The following ANKFN1 variants were observed in gnomAD, a reference collection of about 807,000 sequenced individuals.
ANKFN1 encodes the protein ankyrin repeat and fibronectin type III domain containing 1, also known as ankyrin repeat and fibronectin type-III domain-containing protein 1.
In ANKFN1, 74 loss-of-function variants were observed where a neutral mutation model predicts 108.7. The ratio of observed to expected loss-of-function variants is 0.68; its 90% CI spans 0.56 to 0.83. The LOEUF (loss-of-function observed/expected upper bound fraction) is 0.83, where lower values mean the gene tolerates loss of function less well. ANKFN1 is among the 40% of genes least tolerant of loss of function. ANKFN1 has a pLI of 0.00. For missense variants in ANKFN1, 1,505 were observed against 1,382.3 expected (o/e 1.09, Z -1.41); for synonymous variants, 547 against 516.2 (o/e 1.06, Z -0.81).
At chr17:56,150,410 C>T (rs1475649194), upstream of ANKFN1, among the ~76,000 whole-genome samples, 3 of 152,142 alleles carry the variant, frequency 2.0e-5, no homozygotes, top group Admixed American at 6.6e-5. Context: ...AGCATTCGGT[C>T]CCTATTTTGC....
intron 4 of ANKFN1, among the ~76,000 whole-genome samples, chr17:56,347,551 T>C (rs1228075656): frequency 2.6e-5 from 4 of 152,056 alleles, no homozygotes; most frequent in Non-Finnish European, 5.9e-5. Flanking sequence ...GCTTGTCTCT[T>C]TCCATAAGGG....
intron 4 of ANKFN1, among the ~76,000 whole-genome samples, chr17:56,048,196 G>T (rs1302775779): frequency 6.6e-6 from 1 of 152,148 alleles, no homozygotes; most frequent in Non-Finnish European, 1.5e-5. Flanking sequence ...TCCCTGATAT[G>T]GATATGCTGT....
intron 4 of ANKFN1, among the ~76,000 whole-genome samples, chr17:56,342,034 G>A (rs902853959): frequency 2.6e-5 from 4 of 151,972 alleles, no homozygotes; most frequent in African/African-American, 9.7e-5. Context: ...TCAGTGTTGG[G>A]AGGGTGTATG....
At chr17:56,074,657 T>C (rs897195139) in intron 4 of ANKFN1, among the ~76,000 whole-genome samples, 1 of 152,230 alleles carries the variant, frequency 6.6e-6, no homozygotes, top group African/African-American at 2.4e-5. Context: ...TTTTAAACTA[T>C]GGATTTAATT....
chr17:56,489,601 G>C (rs1330145361), intron 18 of ANKFN1, among the ~76,000 whole-genome samples: 1 of 152,070 alleles, frequency 6.6e-6, no homozygotes, highest in African/African-American at 2.4e-5. Context: ...GACACAACAA[G>C]AGAAAGCTGT....
intron 8 of ANKFN1, among the ~76,000 whole-genome samples, chr17:56,431,671 T>A (rs1433140256): frequency 1.3e-5 from 2 of 152,222 alleles, no homozygotes; most frequent in Non-Finnish European, 2.9e-5. Context: ...GAAAATGGGA[T>A]CTTTTCAATG....
Position 56,480,664 on chromosome 17 carries a change from A to G in ANKFN1, c.1941-4A>G, listed in dbSNP as rs2050661956. 1 of 1,613,588 alleles carries G rather than the reference A, an allele frequency of 6.2e-7. No individual in the cohort carries two copies. ...TTCTAATTTTAACTTGACTCAACAT[A>G]CAGAGAGGAATGGGAATGGATCCAA... On this transcript the variant is annotated splice_polypyrimidine_tract_variant and splice_region_variant and intron_variant, in intron 16 of 20. Coordinates refer to ENST00000682825, the MANE Select transcript of ANKFN1 (RefSeq NM_001370326.1).
intron 3 of ANKFN1, among the ~76,000 whole-genome samples, chr17:56,318,188 A>G (rs972778760): frequency 3.3e-5 from 5 of 152,012 alleles, no homozygotes; most frequent in African/African-American, 1.2e-4. Context: ...GCATTTTTCT[A>G]CAAAACCAGA....
At chr17:56,364,954 G>T (rs2046621408) in intron 6 of ANKFN1, among the ~76,000 whole-genome samples, 1 of 152,162 alleles carries the variant, frequency 6.6e-6, no homozygotes, top group South Asian at 2.1e-4. Flanking sequence ...GCCAAAATGA[G>T]TCTTGCGTCC....
chr17:56,331,623 T>C (rs1033115739), intron 4 of ANKFN1, among the ~76,000 whole-genome samples: 3 of 152,184 alleles, frequency 2.0e-5, no homozygotes, highest in African/African-American at 7.2e-5. Context: ...GTTGTAAGTA[T>C]GGACTTTGGA....
chr17:56,436,338 C>A (rs906028340), intron 8 of ANKFN1, among the ~76,000 whole-genome samples: 1 of 152,126 alleles, frequency 6.6e-6, no homozygotes, highest in Non-Finnish European at 1.5e-5. Flanking sequence ...TGAGCCATTG[C>A]GCAATTAAGC....
At chr17:56,390,041 T>A (rs2047383115) in intron 8 of ANKFN1, among the ~76,000 whole-genome samples, 1 of 152,128 alleles carries the variant, frequency 6.6e-6, no homozygotes, top group African/African-American at 2.4e-5. Context: ...TTTTATTTTT[T>A]AATTTTACTT....
At chr17:56,252,640 G>A (rs575621880) in intron 3 of ANKFN1, among the ~76,000 whole-genome samples, 7 of 151,770 alleles carry the variant, frequency 4.6e-5, no homozygotes, top group South Asian at 4.2e-4. Context: ...TAGCTGGGCA[G>A]GGTGGTGCAT....
chr17:56,377,992 C>A (rs2046989321), intron 8 of ANKFN1, among the ~76,000 whole-genome samples: 1 of 152,134 alleles, frequency 6.6e-6, no homozygotes, highest in African/African-American at 2.4e-5. Flanking sequence ...CTACTTCATT[C>A]CCTAACAGAT....
rs574403824 is a variant in ANKFN1, at chr17:56,120,340, A to G, written c.288+74015A>G. On this transcript the variant is annotated intron_variant, in intron 4 of 12. Coordinates refer to the ANKFN1 transcript ENST00000635860. The stretch of plus-strand genomic sequence containing the variant: ...ACTGTTCTCTTATGCCTATCCTCTC[A>G]TCACCCTTCGGACTTGATCTATGAT... Among the ~76,000 whole-genome samples, 61 of 152,198 alleles carry G rather than the reference A, an allele frequency of 4.0e-4. No homozygotes were observed. In the South Asian group the frequency reaches 0.012, roughly 30 times the overall value.
intron 1 of ANKFN1, among the ~76,000 whole-genome samples, chr17:56,179,981 G>C (rs143480733): frequency 1.3e-5 from 2 of 152,124 alleles, no homozygotes; most frequent in Admixed American, 6.6e-5. Flanking sequence ...GAAGGTGTTC[G>C]ATAAATACTT....
intron 8 of ANKFN1, among the ~76,000 whole-genome samples, chr17:56,383,277 C>A (rs1321957073): frequency 1.3e-5 from 2 of 152,026 alleles, no homozygotes; most frequent in Non-Finnish European, 2.9e-5. Flanking sequence ...TTCTTTGAAA[C>A]CAACGAGAAC....
At chr17:56,128,640 C>G (rs952330359) in intron 4 of ANKFN1, among the ~76,000 whole-genome samples, 1 of 152,136 alleles carries the variant, frequency 6.6e-6, no homozygotes, top group African/African-American at 2.4e-5. Flanking sequence ...GCTATGTGTA[C>G]CTAATGTTTG....
intron 1 of ANKFN1, among the ~76,000 whole-genome samples, chr17:56,193,558 G>A (rs1913211721): frequency 6.7e-6 from 1 of 149,546 alleles, no homozygotes; most frequent in African/African-American, 2.5e-5. Flanking sequence ...ATGTAAAAGT[G>A]CATAATTTAT....
Sources: gnomAD v4.1 joint callset for allele counts (sites outside exome capture counted in the v4.1 genomes callset) on GRCh38, gnomAD v4.1.1 for gene constraint, MANE v1.5 for transcripts, NCBI Gene and HGNC (gene_info 2026-07-23, HGNC 2026-07-21) for gene names.